The following WNK1 variants were observed in gnomAD, a reference collection of about 807,000 sequenced individuals.
The protein encoded by WNK1 is serine/threonine-protein kinase WNK1.
A neutral mutation model predicts 222.8 loss-of-function variants in WNK1; 38 were observed. That is an observed-to-expected ratio of 0.17 (90% CI 0.13 to 0.22). The LOEUF is 0.22. WNK1 is among the 10% of genes least tolerant of loss of function. The pLI is 1.00. For missense variants in WNK1, 2,348 were observed against 2,918.4 expected (o/e 0.80, Z 4.50); for synonymous variants, 1,090 against 1,092.9 (o/e 1.00, Z 0.05).
At chr12:864,407 G>A (rs72649805) in intron 8 of WNK1, among the ~76,000 whole-genome samples, 95 of 152,032 alleles carry the variant, frequency 6.2e-4, no homozygotes, top group African/African-American at 1.9e-3. Flanking sequence ...CACCATGCCC[G>A]GCCTAAATTA....
intron 1 of WNK1, among the ~76,000 whole-genome samples, chr12:774,218 G>A (rs1052493038): frequency 2.0e-5 from 3 of 152,120 alleles, no homozygotes; most frequent in Admixed American, 6.6e-5. Context: ...ACAATTTTCC[G>A]AAGGAAAGTT....
intron 1 of WNK1, among the ~76,000 whole-genome samples, chr12:775,421 A>G (rs1178699120): frequency 6.6e-6 from 1 of 152,186 alleles, no homozygotes; most frequent in South Asian, 2.1e-4. Flanking sequence ...TTTAGGGCCT[A>G]ACGTAAAGTT....
chr12:853,767 T>A (rs975236249), intron 4 of WNK1, among the ~76,000 whole-genome samples: 2 of 152,178 alleles, frequency 1.3e-5, no homozygotes, highest in Non-Finnish European at 2.9e-5. Context: ...ACTTTTTTTT[T>A]TGAGACAGGG....
chr12:899,650 C>T (rs1029163106), intron 25 of WNK1, among the ~76,000 whole-genome samples: 4 of 152,164 alleles, frequency 2.6e-5, no homozygotes, highest in African/African-American at 7.2e-5. Flanking sequence ...AACTGGGAAC[C>T]GGGGAGCAGA....
At chr12:822,111 T>TG (rs1947939023) in intron 2 of WNK1, among the ~76,000 whole-genome samples, 2 of 146,364 alleles carry the variant, frequency 1.4e-5, no homozygotes, top group African/African-American at 5.1e-5. Context: ...TTTTTTTTTT[T>TG]GAGACGGAGC....
Position 884,300 on chromosome 12 carries a change from T to C in WNK1, c.3844+57T>C. The C allele has an allele frequency of 6.2e-7, 1 of 1,610,306 alleles. No homozygotes were observed. The highest frequency in any genetic ancestry group is 8.5e-7 in the Non-Finnish European group (1 of 1,177,310). On this transcript the variant is annotated intron_variant, in intron 18 of 27. Coordinates refer to ENST00000315939, the MANE Select transcript of WNK1 (RefSeq NM_018979.4). The surrounding 1 kb of genome is among the most constrained non-coding windows in gnomAD (Gnocchi z 5.6). ...AAATTCTACAGTGCCTCTGCTATGT[T>C]GAAAGCTTAATCATAAAGCAGTAAT...
intron 1 of WNK1, among the ~76,000 whole-genome samples, chr12:756,309 C>T (rs1291444974): frequency 6.6e-6 from 1 of 152,096 alleles, no homozygotes; most frequent in East Asian, 1.9e-4. Flanking sequence ...TTTTCTGATA[C>T]TTTATTATCT....
chr12:879,693 C>T lies in WNK1; in HGVS notation c.2494C>T (p.Pro832Ser), dbSNP rs748416681. The T allele has an allele frequency of 3.1e-6, 5 of 1,613,908 alleles. No individual in the cohort carries two copies. The highest frequency in any genetic ancestry group is 1.7e-5 in the Admixed American group (1 of 59,978). The change falls in exon 11 of 28, where the codon CCT becomes TCT. Residue 832 changes from proline (P) to serine (S), a missense_variant. Physicochemically the swap from Pro to Ser is moderately conservative, Grantham distance 74. This residue lies in a region of WNK1 where 547 missense variants were observed against 558.3 expected (regional missense o/e 0.98). Coordinates refer to ENST00000315939, the MANE Select transcript of WNK1 (RefSeq NM_018979.4). ...AHFLPVGQPL[P>S]TPLLPQYPVS... Reference sequence around the variant, plus strand: ...TTTCCTTCCAGTGGGACAGCCGCTCCCTACTCCCTTGCTCCCTCAGTACCC... The same window carrying T: ...TTTCCTTCCAGTGGGACAGCCGCTCTCTACTCCCTTGCTCCCTCAGTACCC...
intron 26 of WNK1, among the ~76,000 whole-genome samples, chr12:901,290 AG>A (rs1955233456): frequency 6.6e-6 from 1 of 152,238 alleles, no homozygotes; most frequent in Non-Finnish European, 1.5e-5. Context: ...ATTAGAGATC[AG>A]TCTCTTCACA....
At chr12:862,682 C>T (rs1951309203) in intron 8 of WNK1, among the ~76,000 whole-genome samples, 2 of 152,144 alleles carry the variant, frequency 1.3e-5, no homozygotes. Context: ...GACCTTCAAA[C>T]CATTATAGAA....
chr12:894,204 C>T (rs1050272322), intron 22 of WNK1, among the ~76,000 whole-genome samples: 2 of 152,126 alleles, frequency 1.3e-5, no homozygotes, highest in Middle Eastern at 3.2e-3. Context: ...GCCAACAGAG[C>T]GAAACTCCAT....
intron 1 of WNK1, among the ~76,000 whole-genome samples, chr12:795,219 G>A (rs1945193315): frequency 1.3e-5 from 2 of 151,674 alleles, no homozygotes; most frequent in Admixed American, 1.3e-4. Flanking sequence ...CTGGGCCTGG[G>A]CTTTTCATTG....
intron 8 of WNK1, among the ~76,000 whole-genome samples, chr12:864,063 T>C (rs1169101333): frequency 1.3e-5 from 2 of 151,786 alleles, no homozygotes; most frequent in Non-Finnish European, 2.9e-5. Context: ...GTATTGATCA[T>C]ACTGCCTTAT....
rs34202153 is a variant in WNK1 at position 896,886 on chromosome 12, CCACACACA to C, written c.6245+200_6245+207del. 0.045 allele frequency among the ~76,000 whole-genome samples: 6,045 copies of C among 134,356 alleles called. 204 individuals carry two copies. Among genetic ancestry groups the C allele is most frequent in the South Asian group, 0.082 (299 of 3,660 alleles). The allele number at this position is 134,356 out of a possible 152,430, so 88.1% of individuals were successfully genotyped here. A position where few individuals can be genotyped will look rare whatever the true frequency, so the allele number is the denominator to read the frequency against. ...AGAAGCCCCACCCCATACCTCCCCA[CCACACACA>C]CACACACACACACACACACACACAC... On this transcript the variant is annotated intron_variant, in intron 24 of 27. Transcript: ENST00000315939.
At chr12:770,751 A>G (rs886135190) in intron 1 of WNK1, among the ~76,000 whole-genome samples, 3 of 152,176 alleles carry the variant, frequency 2.0e-5, no homozygotes. Context: ...TTCATACCAG[A>G]TTGTTAAGAA....
In WNK1 at chr12:827,876, T is replaced by G. The variant is rs1396603046; in HGVS notation, c.1153+614T>G. Among the ~76,000 whole-genome samples the G allele has an allele frequency of 8.0e-6, 1 of 124,948 alleles. No homozygotes were observed. The highest frequency in any genetic ancestry group is 9.0e-5 in the Admixed American group (1 of 11,060). 82.0% of individuals were successfully genotyped at this position (124,948 alleles called of 152,430 possible). A position where few individuals can be genotyped will look rare whatever the true frequency, so the allele number is the denominator to read the frequency against. ...GTTGATACTTAACATTATACACTAT[T>G]TATTTAATACATACAGTATGTCACT... On this transcript the variant is annotated intron_variant, in intron 3 of 27. Coordinates refer to ENST00000315939, the MANE Select transcript of WNK1 (RefSeq NM_018979.4). The surrounding 1 kb of genome is among the most constrained non-coding windows in gnomAD (Gnocchi z 4.6).
chr12:900,785 G>T, intron 26 of WNK1, 115 bp downstream of exon 26: 5 of 1,244,466 alleles, frequency 4.0e-6, no homozygotes, highest in Non-Finnish European at 5.9e-6. Flanking sequence ...CAGCCTGTGT[G>T]TTGTACACTG....
At chr12:879,460 T>TTTTTTCTTCTTTTTGGC in intron 10 of WNK1, 113 bp from the exon 11 acceptor site, 1 of 717,304 alleles carries the variant, frequency 1.4e-6, no homozygotes, top group Non-Finnish European at 2.2e-6. Context: ...TTTTTTTTGT[T>TTTTTTCTTCTTTTTGGC]TGTTTTTTCC....
chr12:908,024 T>C lies in WNK1; in HGVS notation c.6821T>C (p.Met2274Thr). 2 of 1,614,078 alleles carry C rather than the reference T, an allele frequency of 1.2e-6. No individual in the cohort carries two copies. Among genetic ancestry groups the C allele is most frequent in the Non-Finnish European group, 1.7e-6 (2 of 1,180,028 alleles). The change falls in exon 27 of 28, where the codon ATG becomes ACG. Residue 2274 changes from methionine (M) to threonine (T), a missense_variant. This residue lies in a region of WNK1 where 55 missense variants were observed against 104.1 expected (regional missense o/e 0.53). Coordinates refer to ENST00000315939, the MANE Select transcript of WNK1 (RefSeq NM_018979.4). ...LSGRRGSKGH[M>T]NYEGPGMARK... ...GGCAGGAGAGGAAGCAAAGGGCACA[T>C]GAATTACGAGGTAAGTCTCTCTTTT...
Sources: allele counts gnomAD v4.1 joint callset (sites outside exome capture counted in the v4.1 genomes callset), GRCh38; gene constraint gnomAD v4.1.1; regional missense constraint gnomAD v4.1.1; non-coding constraint Gnocchi (gnomAD v3.1); transcripts MANE v1.5; gene names NCBI Gene and HGNC (gene_info 2026-07-23, HGNC 2026-07-21).